The following SPAG16 variants were observed in gnomAD, a reference collection of about 807,000 sequenced individuals.
SPAG16 encodes sperm-associated antigen 16 protein.
In SPAG16, 86 loss-of-function variants were observed where a neutral mutation model predicts 80.4. That is an observed-to-expected ratio of 1.07 (90% CI 0.90 to 1.28). The LOEUF (loss-of-function observed/expected upper bound fraction) is 1.28, where lower values mean the gene tolerates loss of function less well. Among genes scored for constraint, SPAG16 ranks in the 50% most tolerant of loss-of-function variants. The pLI is 0.00. For synonymous variants in SPAG16, 294 were observed against 265.9 expected (o/e 1.11, Z -1.03); for missense variants, 870 against 765.3 (o/e 1.14, Z -1.61).
chr2:214,375,424 C>T (rs1700067580), intron 15 of SPAG16, among the ~76,000 whole-genome samples: 1 of 152,086 alleles, frequency 6.6e-6, no homozygotes, highest in African/African-American at 2.4e-5. Context: ...TTCAAATTCT[C>T]AGTTTATTAT....
At chr2:214,303,345 T>A (rs1396856701) in intron 15 of SPAG16, among the ~76,000 whole-genome samples, 2 of 152,310 alleles carry the variant, frequency 1.3e-5, no homozygotes, top group South Asian at 4.1e-4. Context: ...TAGCATTTGA[T>A]TATCTGGGAA....
chr2:213,545,327 G>T (rs1368743421), intron 10 of SPAG16, among the ~76,000 whole-genome samples: 1 of 151,966 alleles, frequency 6.6e-6, no homozygotes, highest in South Asian at 2.1e-4. Flanking sequence ...TCTTATTGTT[G>T]AGTTGTTGTA....
chr2:213,705,002 C>G (rs1264932928), intron 10 of SPAG16, among the ~76,000 whole-genome samples: 1 of 152,144 alleles, frequency 6.6e-6, no homozygotes, highest in Admixed American at 6.5e-5. Context: ...CCTGTAATCC[C>G]AGCACTTTGG....
chr2:214,008,421 T>C (rs2047129186), intron 12 of SPAG16, among the ~76,000 whole-genome samples: 1 of 152,074 alleles, frequency 6.6e-6, no homozygotes, highest in Non-Finnish European at 1.5e-5. Flanking sequence ...CCTTTCCACT[T>C]ATGTACATAT....
At chr2:213,966,741 T>G (rs900614560) in intron 12 of SPAG16, among the ~76,000 whole-genome samples, 1 of 152,170 alleles carries the variant, frequency 6.6e-6, no homozygotes, top group African/African-American at 2.4e-5. Flanking sequence ...TTAAACAAAT[T>G]TTACTAATTG....
At chr2:213,976,109 GATATAT>G (rs1553685173) in intron 12 of SPAG16, among the ~76,000 whole-genome samples, 121 of 121,508 alleles carry the variant, frequency 1.0e-3, no homozygotes, top group African/African-American at 3.6e-3. Context: ...CAGTGAGGGA[GATATAT>G]ATATATATAT....
chr2:213,925,220 G>T (rs181554030), intron 11 of SPAG16, among the ~76,000 whole-genome samples: 39 of 152,036 alleles, frequency 2.6e-4, no homozygotes, highest in Admixed American at 2.4e-3. Flanking sequence ...ATACTTACAT[G>T]TTTACCAAAT....
intron 11 of SPAG16, among the ~76,000 whole-genome samples, chr2:213,865,669 T>TTA (rs1320172367): frequency 2.0e-5 from 3 of 148,118 alleles, no homozygotes; most frequent in Non-Finnish European, 3.0e-5. Flanking sequence ...ACTTCTGAAC[T>TTA]TATATATATA....
intron 13 of SPAG16, among the ~76,000 whole-genome samples, chr2:214,096,279 C>CA (rs3043745): frequency 0.16 from 23,899 of 147,128 alleles, 1,880 homozygotes; most frequent in East Asian, 0.17. Flanking sequence ...TTTTTTAATG[C>CA]AAAAAAAAAA....
At chr2:213,329,883 G>C (rs1272076726) in intron 5 of SPAG16, among the ~76,000 whole-genome samples, 1 of 152,196 alleles carries the variant, frequency 6.6e-6, no homozygotes, top group Non-Finnish European at 1.5e-5. Flanking sequence ...TTGGTGCCTT[G>C]CATCTCAGCT....
intron 10 of SPAG16, among the ~76,000 whole-genome samples, chr2:213,490,357 T>A (rs1022246418): frequency 6.6e-6 from 1 of 152,138 alleles, no homozygotes; most frequent in African/African-American, 2.4e-5. Flanking sequence ...TTTAGAGAAG[T>A]TTCTAGGATT....
In SPAG16 at chr2:213,634,225, A is replaced by G. The variant is rs1026035447; in HGVS notation, c.1070+144135A>G. ...GGTTACCCTGAGGCTTGCAAATACTATCTTATAACCCATTATTTTAACCTG... is the reference window on the plus strand; with the variant it reads ...GGTTACCCTGAGGCTTGCAAATACTGTCTTATAACCCATTATTTTAACCTG... On this transcript the variant is annotated intron_variant, in intron 10 of 15. Transcript: ENST00000331683. 2.6e-4 allele frequency among the ~76,000 whole-genome samples: 39 copies of G among 152,248 alleles called. 1 individual carries two copies. Among genetic ancestry groups the G allele is most frequent in the South Asian group, 2.1e-4 (1 of 4,820 alleles).
chr2:213,317,457 G>T (rs2063446094), intron 5 of SPAG16, 101 bp downstream of exon 5: 1 of 1,362,806 alleles, frequency 7.3e-7, no homozygotes, highest in South Asian at 2.1e-5. Context: ...CTTAATTTTT[G>T]AAAACTGAAT....
At chr2:214,107,853 T>A (rs1445139340) in intron 13 of SPAG16, among the ~76,000 whole-genome samples, 2 of 152,170 alleles carry the variant, frequency 1.3e-5, no homozygotes. Context: ...AAATAACAGC[T>A]TTCTAATAAG....
At chr2:213,900,187 A>G (rs1171903150) in intron 11 of SPAG16, among the ~76,000 whole-genome samples, 1 of 152,108 alleles carries the variant, frequency 6.6e-6, no homozygotes, top group Non-Finnish European at 1.5e-5. Context: ...CAAGATTTTT[A>G]CCAGTTCAGC....
At chr2:213,437,937 C>T (rs1159671119) in intron 9 of SPAG16, among the ~76,000 whole-genome samples, 5 of 152,132 alleles carry the variant, frequency 3.3e-5, no homozygotes. Flanking sequence ...AGTCAAAACT[C>T]ATTTCAGAGT....
chr2:214,353,661 A>G (rs1449936922), intron 15 of SPAG16, among the ~76,000 whole-genome samples: 1 of 152,168 alleles, frequency 6.6e-6, no homozygotes, highest in Admixed American at 6.5e-5. Flanking sequence ...GAAAGATGCC[A>G]TTGCATAAAG....
intron 9 of SPAG16, among the ~76,000 whole-genome samples, chr2:213,425,342 A>T (rs2069844832): frequency 1.3e-5 from 2 of 150,182 alleles, no homozygotes; most frequent in East Asian, 4.0e-4. Context: ...GTGTGGCAAT[A>T]CTACATTAGT....
At chr2:214,195,325 A>ATAGATAGATAGATAGATAGT in intron 15 of SPAG16, among the ~76,000 whole-genome samples, 1 of 152,070 alleles carries the variant, frequency 6.6e-6, no homozygotes, top group South Asian at 2.1e-4. Context: ...AGATAGATAG[A>ATAGATAGATAGATAGATAGT]TAGATAGATA....
Sources: allele counts gnomAD v4.1 joint callset (sites outside exome capture counted in the v4.1 genomes callset), GRCh38; gene constraint gnomAD v4.1.1; transcripts MANE v1.5; gene names NCBI Gene and HGNC (gene_info 2026-07-23, HGNC 2026-07-21).